TBC1D32: variants seen among roughly 807,000 people sequenced by gnomAD.
TBC1D32 encodes the protein TBC1 domain family member 32.
In TBC1D32, 151 loss-of-function variants were observed where a neutral mutation model predicts 170.3. The ratio of observed to expected loss-of-function variants is 0.89; its 90% CI spans 0.78 to 1.01. The LOEUF (loss-of-function observed/expected upper bound fraction) is 1.01, where lower values mean the gene tolerates loss of function less well. TBC1D32 is among the 50% of genes least tolerant of loss of function. The pLI is 0.00. For missense variants in TBC1D32, 1,464 were observed against 1,457.1 expected (o/e 1.00, Z -0.08); for synonymous variants, 498 against 488.0 (o/e 1.02, Z -0.27).
intron 15 of TBC1D32, 122 bp downstream of exon 15, chr6:121,278,999 G>A (rs1802629756): frequency 9.4e-7 from 1 of 1,058,500 alleles, no homozygotes; most frequent in Non-Finnish European, 1.3e-6. Context: ...GTTCTACTCT[G>A]GCTGCATAGT....
At chr6:121,295,266 T>G (rs978929582) in intron 10 of TBC1D32, among the ~76,000 whole-genome samples, 7 of 134,692 alleles carry the variant, frequency 5.2e-5, no homozygotes. Context: ...TGCCTACCCA[T>G]CGATGGCCTC....
At chr6:121,300,558 A>G (rs1401496446) in intron 9 of TBC1D32, among the ~76,000 whole-genome samples, 1 of 152,198 alleles carries the variant, frequency 6.6e-6, no homozygotes, top group Non-Finnish European at 1.5e-5. Context: ...TTAAAGACTT[A>G]AACATAAGCT....
At chr6:121,235,865 A>C (rs1201692198) in intron 20 of TBC1D32, among the ~76,000 whole-genome samples, 1 of 152,244 alleles carries the variant, frequency 6.6e-6, no homozygotes. Flanking sequence ...CAGGAGCTGC[A>C]AGCTAGTCCT....
intron 24 of TBC1D32, among the ~76,000 whole-genome samples, chr6:121,146,211 A>G (rs1314414890): frequency 6.6e-6 from 1 of 152,220 alleles, no homozygotes; most frequent in Non-Finnish European, 1.5e-5. Flanking sequence ...ATGTGATTAT[A>G]GAGGCTGATG....
intron 1 of TBC1D32, among the ~76,000 whole-genome samples, chr6:121,329,731 T>G (rs1810964378): frequency 6.6e-6 from 1 of 152,018 alleles, no homozygotes; most frequent in African/African-American, 2.4e-5. Context: ...TATCACTAAT[T>G]TTTTAAAAAA....
At chr6:121,144,911 A>T (rs1321986032) in intron 24 of TBC1D32, among the ~76,000 whole-genome samples, 1 of 152,182 alleles carries the variant, frequency 6.6e-6, no homozygotes, top group Admixed American at 6.5e-5. Flanking sequence ...AAAACCAAAC[A>T]AGAGTATTTT....
At chr6:121,209,645 G>A (rs933798182) in intron 21 of TBC1D32, among the ~76,000 whole-genome samples, 2 of 152,124 alleles carry the variant, frequency 1.3e-5, no homozygotes, top group African/African-American at 4.8e-5. Context: ...AAAAACTGAG[G>A]TCTAACTTGT....
At chr6:121,274,997 C>A (rs1680630232) in intron 15 of TBC1D32, among the ~76,000 whole-genome samples, 1 of 151,960 alleles carries the variant, frequency 6.6e-6, no homozygotes, top group Admixed American at 6.6e-5. Flanking sequence ...CCAGAGAAGG[C>A]AAAAATTGTG....
intron 15 of TBC1D32, among the ~76,000 whole-genome samples, chr6:121,259,150 T>C (rs1799437979): frequency 6.6e-6 from 1 of 151,754 alleles, no homozygotes; most frequent in Non-Finnish European, 1.5e-5. Context: ...ATACAAAAAT[T>C]AGCCCAGCAC....
intron 2 of TBC1D32, among the ~76,000 whole-genome samples, chr6:121,320,303 C>T (rs1048350522): frequency 1.3e-5 from 2 of 150,230 alleles, no homozygotes; most frequent in African/African-American, 2.4e-5. Context: ...AAACATTTAC[C>T]GAGTCATTTA....
intron 31 of TBC1D32, among the ~76,000 whole-genome samples, chr6:121,090,311 G>A (rs1776673818): frequency 6.6e-6 from 1 of 152,162 alleles, no homozygotes; most frequent in African/African-American, 2.4e-5. Flanking sequence ...TATATCTCAT[G>A]TACTTTCTAA....
At chr6:121,305,536 T>TGG (rs148545247) in intron 5 of TBC1D32, among the ~76,000 whole-genome samples, 3,555 of 151,540 alleles carry the variant, frequency 0.023, 146 homozygotes, top group East Asian at 0.12. Context: ...TAGTCTAATC[T>TGG]GGGGGGGGAT....
intron 26 of TBC1D32, among the ~76,000 whole-genome samples, chr6:121,122,411 C>T (rs972512633): frequency 2.0e-5 from 3 of 151,920 alleles, no homozygotes; most frequent in African/African-American, 7.2e-5. Context: ...CTGTATCATG[C>T]TCTCCTATCT....
At position 121,308,032 on chromosome 6, in the gene TBC1D32, T is replaced by A. The variant is rs775585026; in HGVS notation, c.634A>T (p.Thr212Ser). Residue 212 changes from threonine to serine, a missense_variant, in exon 5 of 32, where the codon ACT becomes TCT. Thr to Ser is a moderately conservative substitution (Grantham distance 58, BLOSUM62 1). Transcript: ENST00000398212. ...ACGGTCAGTTTTTCGCAGAGAGTAGTCCAATTTTCACAGTTGAGGACATCA... is the reference window on the plus strand; with the variant it reads ...ACGGTCAGTTTTTCGCAGAGAGTAGACCAATTTTCACAGTTGAGGACATCA... ...PSDVLNCENWTTLCEKLTVSL... is the reference protein window; with the variant it reads ...PSDVLNCENWSTLCEKLTVSL... 1.9e-6 allele frequency: 3 copies of A among 1,613,730 alleles called. No individual in the cohort carries two copies. In the East Asian group the frequency reaches 6.7e-5, roughly 36 times the overall value.
intron 11 of TBC1D32, among the ~76,000 whole-genome samples, chr6:121,293,650 G>T (rs1805194947): frequency 6.6e-6 from 1 of 152,160 alleles, no homozygotes; most frequent in Admixed American, 6.6e-5. Flanking sequence ...GGTGGCTCAT[G>T]CCTGTAATCC....
intron 17 of TBC1D32, among the ~76,000 whole-genome samples, chr6:121,254,306 T>C (rs1050848994): frequency 2.0e-5 from 3 of 152,248 alleles, no homozygotes; most frequent in Admixed American, 1.3e-4. Context: ...GCTTGAGTGA[T>C]GGATGCACAA....
chr6:121,094,365 C>A (rs1370302857), intron 30 of TBC1D32, among the ~76,000 whole-genome samples: 1 of 151,922 alleles, frequency 6.6e-6, no homozygotes, highest in African/African-American at 2.4e-5. Context: ...CAGGGTTTCA[C>A]CATGTTGGTC....
intron 26 of TBC1D32, among the ~76,000 whole-genome samples, chr6:121,125,559 C>T (rs1413261470): frequency 6.6e-6 from 1 of 151,408 alleles, no homozygotes; most frequent in Non-Finnish European, 1.5e-5. Flanking sequence ...TCAGTTGCAA[C>T]GGGGGGGTCA....
intron 21 of TBC1D32, among the ~76,000 whole-genome samples, chr6:121,213,629 G>A (rs1230017712): frequency 6.6e-6 from 1 of 151,746 alleles, no homozygotes; most frequent in African/African-American, 2.4e-5. Flanking sequence ...TACAAAACAT[G>A]GCTTAAAGAA....
Sources: gnomAD v4.1 joint callset for allele counts (sites outside exome capture counted in the v4.1 genomes callset) on GRCh38, gnomAD v4.1.1 for gene constraint, MANE v1.5 for transcripts, NCBI Gene and HGNC (gene_info 2026-07-23, HGNC 2026-07-21) for gene names.